The following RARB variants were observed in gnomAD, a reference collection of about 807,000 sequenced individuals.
The protein encoded by RARB is retinoic acid receptor beta, also known as HBV-activated protein.
A neutral mutation model predicts 51.9 loss-of-function variants in RARB; 17 were observed. That is an observed-to-expected ratio of 0.33 (90% CI 0.22 to 0.49). The LOEUF (loss-of-function observed/expected upper bound fraction) is 0.49. Among genes scored for constraint, RARB ranks in the 20% least tolerant of loss-of-function variants. The pLI is 0.99. For missense variants in RARB, 369 were observed against 550.8 expected (o/e 0.67, Z 3.30); for synonymous variants, 215 against 195.4 (o/e 1.10, Z -0.84).
At chr3:24,893,156 T>C (rs1002037824) in intron 2 of RARB, among the ~76,000 whole-genome samples, 15 of 152,216 alleles carry the variant, frequency 9.9e-5, no homozygotes, top group African/African-American at 3.6e-4. Context: ...TTTACGATGG[T>C]TTCCCATCAA....
At chr3:25,540,959 GA>G (rs61185841) in intron 3 of RARB, among the ~76,000 whole-genome samples, 72,662 of 150,216 alleles carry the variant, frequency 0.48, 17,926 homozygotes, top group African/African-American at 0.58. Context: ...CTCTGCAGAG[GA>G]AAAAAAAAAT....
chr3:25,336,127 A>C (rs995927332), intron 5 of RARB, among the ~76,000 whole-genome samples: 1 of 152,178 alleles, frequency 6.6e-6, no homozygotes, highest in African/African-American at 2.4e-5. Context: ...AGGAAATAAA[A>C]TTATGTATTC....
chr3:25,369,450 C>A (rs766822195), intron 5 of RARB, among the ~76,000 whole-genome samples: 2 of 152,168 alleles, frequency 1.3e-5, no homozygotes, highest in Non-Finnish European at 2.9e-5. Flanking sequence ...CAGCTAGATT[C>A]TGTGGATAAG....
At chr3:25,502,275 T>C (rs1559438086) in intron 3 of RARB, among the ~76,000 whole-genome samples, 2 of 152,236 alleles carry the variant, frequency 1.3e-5, no homozygotes. Flanking sequence ...CATGATCCTC[T>C]AATGGAGTTG....
At chr3:24,872,757 G>A (rs144184777) in intron 2 of RARB, among the ~76,000 whole-genome samples, 5 of 152,254 alleles carry the variant, frequency 3.3e-5, no homozygotes, top group African/African-American at 1.2e-4. Context: ...CTCTAACACT[G>A]GGGATCACAT....
intron 4 of RARB, among the ~76,000 whole-genome samples, chr3:25,577,800 G>A (rs1359450012): frequency 6.6e-6 from 1 of 152,210 alleles, no homozygotes; most frequent in African/African-American, 2.4e-5. Context: ...CATTTAATTG[G>A]ATTTCATAGT....
chr3:25,302,989 G>A (rs898249410), intron 5 of RARB, among the ~76,000 whole-genome samples: 1 of 152,070 alleles, frequency 6.6e-6, no homozygotes, highest in Admixed American at 6.6e-5. Flanking sequence ...TATTTCTAAG[G>A]GGGCTAGACT....
At chr3:25,061,271 T>A (rs941938747) in intron 3 of RARB, among the ~76,000 whole-genome samples, 4 of 151,904 alleles carry the variant, frequency 2.6e-5, no homozygotes, top group Non-Finnish European at 4.4e-5. Flanking sequence ...GATAAATATG[T>A]ACATACAAAT....
chr3:24,891,157 A>G (rs1291138185), intron 2 of RARB, among the ~76,000 whole-genome samples: 3 of 152,180 alleles, frequency 2.0e-5, no homozygotes, highest in Admixed American at 2.0e-4. Flanking sequence ...ACCAAGAACT[A>G]TAAATTTTAG....
At chr3:25,152,068 A>G (rs1274322214) in intron 4 of RARB, among the ~76,000 whole-genome samples, 1 of 152,228 alleles carries the variant, frequency 6.6e-6, no homozygotes, top group East Asian at 1.9e-4. Context: ...ATGTTGCTAT[A>G]TTTGACTGAT....
chr3:25,291,183 G>T (rs191624524), intron 5 of RARB, among the ~76,000 whole-genome samples: 147 of 152,242 alleles, frequency 9.7e-4, no homozygotes, highest in African/African-American at 3.4e-3. Context: ...TCACAAAAAT[G>T]TACACAAATA....
chr3:24,955,846 A>G (rs1696002804), intron 2 of RARB, among the ~76,000 whole-genome samples: 1 of 152,062 alleles, frequency 6.6e-6, no homozygotes, highest in Non-Finnish European at 1.5e-5. Flanking sequence ...TATGTAGATC[A>G]AGCCCCCTGG....
chr3:25,108,106 T>C (rs1458848985), intron 3 of RARB, among the ~76,000 whole-genome samples: 1 of 152,184 alleles, frequency 6.6e-6, no homozygotes, highest in Middle Eastern at 3.2e-3. Flanking sequence ...ATGGATACAC[T>C]GGACAAAGGA....
intron 5 of RARB, among the ~76,000 whole-genome samples, chr3:25,333,016 A>C (rs540264875): frequency 2.0e-5 from 3 of 152,092 alleles, no homozygotes; most frequent in African/African-American, 7.2e-5. Context: ...ACTGCTCAAC[A>C]AAATAAAAGA....
At chr3:25,509,131 G>A (rs897755703) in intron 3 of RARB, among the ~76,000 whole-genome samples, 1 of 152,178 alleles carries the variant, frequency 6.6e-6, no homozygotes, top group Non-Finnish European at 1.5e-5. Context: ...AGAACAAAGG[G>A]CTTTGAAGTT....
At chr3:25,511,003 G>GT (rs1247882109) in intron 3 of RARB, among the ~76,000 whole-genome samples, 2 of 152,118 alleles carry the variant, frequency 1.3e-5, no homozygotes, top group Non-Finnish European at 2.9e-5. Flanking sequence ...TCCATTTGGT[G>GT]TTTTTTTGCA....
chr3:25,420,218 G>C (rs1707822424), intron 5 of RARB, among the ~76,000 whole-genome samples: 1 of 152,074 alleles, frequency 6.6e-6, no homozygotes, highest in Non-Finnish European at 1.5e-5. Context: ...ATCACATTGA[G>C]CTTTTTATTT....
intron 2 of RARB, among the ~76,000 whole-genome samples, chr3:24,954,226 T>C (rs554538814): frequency 6.6e-6 from 1 of 152,172 alleles, no homozygotes; most frequent in African/African-American, 2.4e-5. Flanking sequence ...CAAATACATA[T>C]ACATGTTTTA....
intron 5 of RARB, among the ~76,000 whole-genome samples, chr3:25,362,760 C>T (rs1705987272): frequency 6.6e-6 from 1 of 152,252 alleles, no homozygotes; most frequent in African/African-American, 2.4e-5. Context: ...CTGGGTGAAG[C>T]AGTGCCCCAC....
Sources: allele counts gnomAD v4.1 joint callset (sites outside exome capture counted in the v4.1 genomes callset), GRCh38; gene constraint gnomAD v4.1.1; transcripts MANE v1.5; gene names NCBI Gene and HGNC (gene_info 2026-07-23, HGNC 2026-07-21).